INPP4B: variants seen among roughly 807,000 people sequenced by gnomAD.
The protein encoded by INPP4B is inositol polyphosphate 4-phosphatase type II.
A neutral mutation model predicts 122.5 loss-of-function variants in INPP4B; 55 were observed. The ratio of observed to expected loss-of-function variants is 0.45; its 90% confidence interval spans 0.36 to 0.56. INPP4B has a LOEUF of 0.56. Ranked by LOEUF, INPP4B falls within the 20% of genes least tolerant of loss-of-function variation. INPP4B has a pLI of 0.00. For synonymous variants in INPP4B, 403 were observed against 388.7 expected (o/e 1.04, Z -0.43); for missense variants, 1,000 against 1,097.7 (o/e 0.91, Z 1.26).
At chr4:142,165,998 T>G (rs1822538136) in intron 16 of INPP4B, among the ~76,000 whole-genome samples, 1 of 151,754 alleles carries the variant, frequency 6.6e-6, no homozygotes, top group African/African-American at 2.4e-5. Flanking sequence ...TGCATGTGTT[T>G]ATTTACCATT....
chr4:142,503,157 A>C (rs2149829088), intron 2 of INPP4B, among the ~76,000 whole-genome samples: 1 of 152,288 alleles, frequency 6.6e-6, no homozygotes, highest in Non-Finnish European at 1.5e-5. Context: ...GTGTATAAAG[A>C]AAATGCTTGT....
At chr4:142,670,519 A>C (rs114784322) in intron 2 of INPP4B, among the ~76,000 whole-genome samples, 1,710 of 152,260 alleles carry the variant, frequency 0.011, 31 homozygotes, top group African/African-American at 0.031. Context: ...ACCAGAAGGA[A>C]ATTATGTTAA....
At chr4:142,561,316 ATTCACAAAATTAT>A (rs1458059189) in intron 2 of INPP4B, among the ~76,000 whole-genome samples, 6 of 152,250 alleles carry the variant, frequency 3.9e-5, no homozygotes, top group African/African-American at 1.4e-4. Flanking sequence ...GAAGAAATTA[ATTCACAAAATTAT>A]TTCACTTGTC....
At position 142,026,908 on chromosome 4, in the gene INPP4B, C is replaced by G. The variant is rs1360625873; in HGVS notation, c.*1874G>C. On this transcript the variant is annotated 3_prime_UTR_variant, in exon 26 of 26. Transcript: ENST00000262992. Reference sequence around the variant, plus strand: ...TACTTAAGGTTTCTTAGAACTCAGACTACCATTTGATATGCTGAATGAGGC... The same window carrying G: ...TACTTAAGGTTTCTTAGAACTCAGAGTACCATTTGATATGCTGAATGAGGC... 1 of 152,192 alleles carries G rather than the reference C, an allele frequency of 6.6e-6. No individual in the cohort carries two copies. Among genetic ancestry groups the G allele is most frequent in the Non-Finnish European group, 1.5e-5 (1 of 68,042 alleles). The allele number at this position is 152,192 out of a possible 1,614,324, so 9.4% of individuals were successfully genotyped here. A position where few individuals can be genotyped will look rare whatever the true frequency, so the allele number is the denominator to read the frequency against.
At position 142,432,909 on chromosome 4, in the gene INPP4B, C is replaced by T. The variant is rs577705712; in HGVS notation, c.-126-1524G>A. Among the ~76,000 whole-genome samples the T allele has an allele frequency of 1.1e-4, 17 of 152,172 alleles. No homozygotes were observed. In the South Asian group the frequency reaches 2.9e-3, roughly 26 times the overall value. ...GAAATAAATATCTAATTCTGTTTAT[C>T]GGTATATGTGCACTTGTATAATTTG... is the stretch of plus-strand genomic sequence containing the variant. On this transcript the variant is annotated intron_variant, in intron 3 of 25. Coordinates refer to ENST00000262992, the MANE Select transcript of INPP4B (RefSeq NM_001101669.3).
intron 25 of INPP4B, among the ~76,000 whole-genome samples, chr4:142,079,140 T>C (rs1041941343): frequency 6.6e-6 from 1 of 151,984 alleles, no homozygotes; most frequent in Non-Finnish European, 1.5e-5. Flanking sequence ...TTAAACTACA[T>C]CTTGATACAT....
chr4:142,135,549 T>C (rs1022287281), intron 18 of INPP4B, among the ~76,000 whole-genome samples: 4 of 152,130 alleles, frequency 2.6e-5, no homozygotes, highest in Non-Finnish European at 5.9e-5. Flanking sequence ...GAGGAACATA[T>C]ACTCTCTACT....
intron 24 of INPP4B, among the ~76,000 whole-genome samples, chr4:142,083,261 C>G (rs751498197): frequency 2.0e-5 from 3 of 152,132 alleles, no homozygotes; most frequent in Non-Finnish European, 2.9e-5. Context: ...AGGATTCAAA[C>G]AGAACTCTAC....
At chr4:142,294,084 A>G (rs1308326843) in intron 9 of INPP4B, among the ~76,000 whole-genome samples, 3 of 152,190 alleles carry the variant, frequency 2.0e-5, no homozygotes, top group Non-Finnish European at 4.4e-5. Context: ...AAATTACTCA[A>G]TTGGTACAAT....
chr4:142,265,829 C>T (rs1742474701), intron 10 of INPP4B, among the ~76,000 whole-genome samples: 1 of 152,158 alleles, frequency 6.6e-6, no homozygotes. Context: ...GTTCATGTTC[C>T]TAAGCCAGAA....
At chr4:142,438,763 C>T (rs1014148691) in intron 3 of INPP4B, among the ~76,000 whole-genome samples, 1 of 152,114 alleles carries the variant, frequency 6.6e-6, no homozygotes, top group South Asian at 2.1e-4. Flanking sequence ...AGAGAATAGG[C>T]AACCTACAGA....
chr4:142,681,849 G>T lies in INPP4B; in HGVS notation c.-191+43990C>A, dbSNP rs542779872. Among the ~76,000 whole-genome samples, 24 of 151,936 alleles carry T rather than the reference G, an allele frequency of 1.6e-4. No individual in the cohort carries two copies. The South Asian group carries it at 4.6e-3, about 29-fold the overall frequency. On this transcript the variant is annotated intron_variant, in intron 2 of 25. Coordinates refer to ENST00000262992, the MANE Select transcript of INPP4B (RefSeq NM_001101669.3). ...TGTATGGCATCCTAATGCTCCATGTGCATTCAATCTTAATAAATATGGTTG... is the reference window on the plus strand; with the variant it reads ...TGTATGGCATCCTAATGCTCCATGTTCATTCAATCTTAATAAATATGGTTG...
In INPP4B at chr4:142,177,735, G is replaced by A. The variant is rs1032144521; in HGVS notation, c.1182-3926C>T. Among the ~76,000 whole-genome samples the A allele has an allele frequency of 7.9e-5, 12 of 151,812 alleles. No individual in the cohort carries two copies. In the South Asian group the frequency reaches 1.0e-3, roughly 13 times the overall value. On this transcript the variant is annotated intron_variant, in intron 15 of 25. Coordinates refer to ENST00000262992, the MANE Select transcript of INPP4B (RefSeq NM_001101669.3). ...CATCCTCACGTTTGTGTGTGTATAT[G>A]TTGTTACTATCCATGTCATATTTTG...
intron 14 of INPP4B, among the ~76,000 whole-genome samples, chr4:142,205,477 G>A (rs544204380): frequency 2.0e-5 from 3 of 151,984 alleles, no homozygotes; most frequent in Non-Finnish European, 2.9e-5. Context: ...TCAAGACTTC[G>A]TTGATTTTTA....
chr4:142,186,252 C>T (rs568308778), intron 15 of INPP4B, among the ~76,000 whole-genome samples: 100 of 152,262 alleles, frequency 6.6e-4, no homozygotes, highest in African/African-American at 2.3e-3. Flanking sequence ...GTTATAAATG[C>T]TTAGCATATA....
Position 142,026,816 on chromosome 4 carries a change from A to G in INPP4B, c.*1966T>C, listed in dbSNP as rs1737154814. The G allele has an allele frequency of 6.6e-6, 1 of 152,214 alleles. No individual in the cohort carries two copies. The highest frequency in any genetic ancestry group is 2.1e-4 in the South Asian group (1 of 4,830). The allele number at this position is 152,214 out of a possible 1,614,324, so 9.4% of individuals were successfully genotyped here. The stretch of plus-strand genomic sequence containing the variant: ...TTCCAGTTAATATTTTTCCATATTT[A>G]AGTAGTTTGTTTTCAAAAATACAAA... On this transcript the variant is annotated 3_prime_UTR_variant, in exon 26 of 26. Coordinates refer to ENST00000262992, the MANE Select transcript of INPP4B (RefSeq NM_001101669.3).
At chr4:142,718,518 C>T (rs1272073102) in intron 2 of INPP4B, among the ~76,000 whole-genome samples, 2 of 152,138 alleles carry the variant, frequency 1.3e-5, no homozygotes, top group South Asian at 2.1e-4. Context: ...CAAACTTGTG[C>T]GTCCGCATCA....
chr4:142,747,778 C>G (rs1276390547), intron 1 of INPP4B, among the ~76,000 whole-genome samples: 1 of 152,012 alleles, frequency 6.6e-6, no homozygotes, highest in Non-Finnish European at 1.5e-5. Context: ...AAACAGAAAA[C>G]CAAACACTGC....
intron 2 of INPP4B, among the ~76,000 whole-genome samples, chr4:142,487,084 T>C (rs552674966): frequency 6.6e-6 from 1 of 152,264 alleles, no homozygotes; most frequent in Non-Finnish European, 1.5e-5. Context: ...GATATTCTCA[T>C]GATAGTGAAT....
Sources: gnomAD v4.1 joint callset for allele counts (sites outside exome capture counted in the v4.1 genomes callset) on GRCh38, gnomAD v4.1.1 for gene constraint, MANE v1.5 for transcripts, NCBI Gene and HGNC (gene_info 2026-07-23, HGNC 2026-07-21) for gene names.